ADAM7: variants seen among roughly 807,000 people sequenced by gnomAD.
ADAM7 encodes disintegrin and metalloproteinase domain-containing protein 7.
ADAM7 carries 97 observed loss-of-function variants against 102.9 expected under a neutral mutation model. That is an observed-to-expected ratio of 0.94 (90% CI 0.80 to 1.12). The LOEUF (loss-of-function observed/expected upper bound fraction) is 1.12, where lower values mean the gene tolerates loss of function less well. ADAM7 is among the 50% of genes most tolerant of loss of function. The probability of loss-of-function intolerance (pLI) is 0.00; values close to 1 mark genes in which losing one functional copy is unlikely to be tolerated. For missense variants in ADAM7, 991 were observed against 908.7 expected (o/e 1.09, Z -1.16); for synonymous variants, 334 against 304.4 (o/e 1.10, Z -1.01).
intron 4 of ADAM7, among the ~76,000 whole-genome samples, 193 bp from the exon 5 acceptor site, chr8:24,465,506 T>G (rs1256079357): frequency 1.3e-5 from 2 of 152,156 alleles, no homozygotes; most frequent in East Asian, 1.9e-4. Context: ...ATCACATAAT[T>G]AAGGTAAAAT....
At chr8:24,448,682 T>TTATTAC (rs1205088252) in intron 3 of ADAM7, among the ~76,000 whole-genome samples, 1 of 151,722 alleles carries the variant, frequency 6.6e-6, no homozygotes, top group Non-Finnish European at 1.5e-5. Context: ...ATTATTATTA[T>TTATTAC]TATACTTTAA....
At chr8:24,449,362 A>G (rs945787621) in intron 3 of ADAM7, among the ~76,000 whole-genome samples, 1 of 152,140 alleles carries the variant, frequency 6.6e-6, no homozygotes, top group Non-Finnish European at 1.5e-5. Flanking sequence ...GTGTGAGATG[A>G]TAGCTCATTG....
rs574566279 is a variant in ADAM7, at chr8:24,487,567, G to A, written c.1091+250G>A. ...GGAGAATTGCTTGAATTCGGGAGGCGGAGGTTGCCGTGAGCCGAGATCATG... is the reference window on the plus strand; with the variant it reads ...GGAGAATTGCTTGAATTCGGGAGGCAGAGGTTGCCGTGAGCCGAGATCATG... On this transcript the variant is annotated intron_variant, in intron 11 of 21. Transcript: ENST00000175238. Among the ~76,000 whole-genome samples the A allele has an allele frequency of 7.3e-5, 11 of 151,346 alleles. No homozygotes were observed. The East Asian group carries it at 9.7e-4, about 13-fold the overall frequency.
chr8:24,498,018 T>C (rs1820618720), intron 16 of ADAM7, among the ~76,000 whole-genome samples: 1 of 151,918 alleles, frequency 6.6e-6, no homozygotes, highest in African/African-American at 2.4e-5. Flanking sequence ...ACTAATAAAA[T>C]ATATTGTAAT....
At chr8:24,455,052 A>T (rs1295030117) in intron 3 of ADAM7, among the ~76,000 whole-genome samples, 2 of 152,122 alleles carry the variant, frequency 1.3e-5, no homozygotes, top group Admixed American at 6.6e-5. Context: ...GCAGTTTATT[A>T]TATATTTTAT....
chr8:24,464,066 C>A, intron 4 of ADAM7, 106 bp downstream of exon 4: 3 of 936,800 alleles, frequency 3.2e-6, no homozygotes, highest in Non-Finnish European at 4.9e-6. Flanking sequence ...AGTACTACAT[C>A]AGAAATAAGC....
intron 3 of ADAM7, among the ~76,000 whole-genome samples, chr8:24,454,287 G>A (rs1818916635): frequency 6.6e-6 from 1 of 151,946 alleles, no homozygotes; most frequent in African/African-American, 2.4e-5. Flanking sequence ...CGGTCTCCTT[G>A]AGCTGTGGTG....
rs763661694 is a variant in ADAM7, at chr8:24,492,604, G to A, written c.1655+7G>A. On this transcript the variant is annotated splice_region_variant and intron_variant, in intron 15 of 21. Coordinates refer to ENST00000175238, the MANE Select transcript of ADAM7 (RefSeq NM_003817.4). ...TTCTTCCCTGTGAGGAGAAGTAAGT[G>A]CCCTGTGGAAAAAAAGTAATTTGCC... is the stretch of plus-strand genomic sequence containing the variant. 1 of 1,604,688 alleles carries A rather than the reference G, an allele frequency of 6.2e-7. No homozygotes were observed. The highest frequency in any genetic ancestry group is 8.5e-7 in the Non-Finnish European group (1 of 1,173,708).
intron 12 of ADAM7, chr8:24,490,384 A>G (rs557291702): frequency 6.4e-6 from 1 of 155,562 alleles, no homozygotes; most frequent in East Asian, 1.9e-4. Context: ...GATGTTATTT[A>G]ATGATACATT....
chr8:24,453,317 T>A (rs1301305772), intron 3 of ADAM7, among the ~76,000 whole-genome samples: 1 of 152,162 alleles, frequency 6.6e-6, no homozygotes, highest in Admixed American at 6.5e-5. Flanking sequence ...TCTTTTCACA[T>A]AGTCCCATAT....
intron 3 of ADAM7, among the ~76,000 whole-genome samples, chr8:24,449,173 T>G (rs1220230017): frequency 2.6e-5 from 4 of 152,230 alleles, no homozygotes; most frequent in Non-Finnish European, 4.4e-5. Context: ...TACCCAGTAA[T>G]GGGATGGCTC....
chr8:24,490,677 G>A, intron 12 of ADAM7, 122 bp from the exon 13 acceptor site: 1 of 925,630 alleles, frequency 1.1e-6, no homozygotes, highest in Middle Eastern at 2.2e-4. Flanking sequence ...ATGTACCACA[G>A]CCAACAATCA....
chr8:24,443,124 C>T (rs1818431134), intron 2 of ADAM7, among the ~76,000 whole-genome samples: 1 of 152,124 alleles, frequency 6.6e-6, no homozygotes, highest in South Asian at 2.1e-4. Flanking sequence ...AAGATGTTTT[C>T]AATTTCCACT....
intron 3 of ADAM7, among the ~76,000 whole-genome samples, chr8:24,458,876 C>T (rs868703340): frequency 1.3e-5 from 2 of 151,854 alleles, no homozygotes; most frequent in South Asian, 2.1e-4. Context: ...TGGCAGTGTA[C>T]ACTGATTTTT....
intron 8 of ADAM7, among the ~76,000 whole-genome samples, chr8:24,479,211 T>C (rs1403653229): frequency 5.9e-5 from 9 of 152,090 alleles, no homozygotes; most frequent in Non-Finnish European, 1.0e-4. Context: ...TGTTCTATCA[T>C]CCTGATTTAA....
At chr8:24,441,822 A>G (rs190689830) in intron 1 of ADAM7, among the ~76,000 whole-genome samples, 5 of 152,238 alleles carry the variant, frequency 3.3e-5, no homozygotes, top group Non-Finnish European at 7.3e-5. Context: ...TTCAAACAGG[A>G]CAACAGTGCA....
chr8:24,501,930 G>C (rs140941202), intron 20 of ADAM7, among the ~76,000 whole-genome samples: 1 of 152,060 alleles, frequency 6.6e-6, no homozygotes, highest in Non-Finnish European at 1.5e-5. Flanking sequence ...AGTGGCTCAC[G>C]TCTGTAATCC....
rs1382129315 is a variant in ADAM7 at position 24,493,246 on chromosome 8, T to A, written c.1842+17T>A. 1 of 1,564,468 alleles carries A rather than the reference T, an allele frequency of 6.4e-7. No homozygotes were observed. The highest frequency in any genetic ancestry group is 8.6e-7 in the Non-Finnish European group (1 of 1,161,308). On this transcript the variant is annotated intron_variant, in intron 16 of 21. Coordinates refer to ENST00000175238, the MANE Select transcript of ADAM7 (RefSeq NM_003817.4). ...GAGGGAATGGTAAGACAAAAGCCCT[T>A]TGTTTTATTAAAACTTCTTAGTTCA...
At chr8:24,457,171 A>C (rs1316974175) in intron 3 of ADAM7, among the ~76,000 whole-genome samples, 4 of 152,166 alleles carry the variant, frequency 2.6e-5, no homozygotes, top group African/African-American at 9.7e-5. Flanking sequence ...ACTATTATTA[A>C]ATGTTATGTT....
Sources: gnomAD v4.1 joint callset for allele counts (sites outside exome capture counted in the v4.1 genomes callset) on GRCh38, gnomAD v4.1.1 for gene constraint, MANE v1.5 for transcripts, NCBI Gene and HGNC (gene_info 2026-07-23, HGNC 2026-07-21) for gene names.